Variants in NCKAP1 observed in about 807,000 individuals in gnomAD.
NCKAP1 encodes the protein NCK associated protein 1.
Under a neutral mutation model 151.2 loss-of-function variants are expected in NCKAP1, and 21 were observed. The observed-to-expected ratio is 0.14, with a 90% CI of 0.10 to 0.20. The LOEUF (loss-of-function observed/expected upper bound fraction) is 0.20. Among genes scored for constraint, NCKAP1 ranks in the 10% least tolerant of loss-of-function variants. The pLI, the probability that NCKAP1 is intolerant of heterozygous loss-of-function variation, is 1.00. For missense variants in NCKAP1, 933 were observed against 1,352.1 expected, an observed-to-expected ratio of 0.69 and a Z score of 4.86; for synonymous variants, 484 against 451.8, an observed-to-expected ratio of 1.07 and a Z score of -0.90.
At chr2:182,982,777 G>T in intron 12 of NCKAP1, 44 bp downstream of exon 12, 2 of 1,259,574 alleles carry the variant, frequency 1.6e-6, no homozygotes, top group Non-Finnish European at 1.1e-6. Flanking sequence ...AAATCAAGAA[G>T]CATCTATATA....
chr2:183,000,349 C>G (rs1019828984), intron 6 of NCKAP1, among the ~76,000 whole-genome samples: 7 of 152,034 alleles, frequency 4.6e-5, no homozygotes, highest in Admixed American at 2.6e-4. Context: ...AAGCCGAGAG[C>G]CTAGCTTGGA....
At chr2:182,976,288 T>G (rs1369860742) in intron 15 of NCKAP1, among the ~76,000 whole-genome samples, 3 of 152,210 alleles carry the variant, frequency 2.0e-5, no homozygotes, top group Non-Finnish European at 4.4e-5. Context: ...AGACATATAT[T>G]AAATGAACAC....
chr2:182,978,859 A>G lies in NCKAP1; in HGVS notation c.1398T>C (p.Thr466=). Residue 466 remains threonine (T), a synonymous_variant, in exon 14 of 31, where the codon ACT becomes ACC. Transcript: ENST00000361354. ...CTTGTTTTACACTTAGGGAAGTCATAGTGTTAACAAAAGAGGACATGATGA... is the reference window on the plus strand; with the variant it reads ...CTTGTTTTACACTTAGGGAAGTCATGGTGTTAACAAAAGAGGACATGATGA... ...ESIIMSSFVN[T]MTSLSVKQVE... The G allele has an allele frequency of 1.2e-6, 2 of 1,602,936 alleles. No individual in the cohort carries two copies.
chr2:182,982,193 C>T lies in NCKAP1; in HGVS notation c.1208+628G>A, dbSNP rs374929081. Among the ~76,000 whole-genome samples, 50 of 152,104 alleles carry T rather than the reference C, an allele frequency of 3.3e-4. No homozygotes were observed. The East Asian group carries it at 5.8e-3, about 18-fold the overall frequency. On this transcript the variant is annotated intron_variant, in intron 12 of 30. Coordinates refer to ENST00000361354, the MANE Select transcript of NCKAP1 (RefSeq NM_013436.5). ...GAATTCCATAAGAAATATTACTGAGCATAGCAAGAAAACAAAAACTTTATC... is the reference window on the plus strand; with the variant it reads ...GAATTCCATAAGAAATATTACTGAGTATAGCAAGAAAACAAAAACTTTATC...
chr2:182,918,123 G>A lies in NCKAP1; in HGVS notation c.*7579C>T, dbSNP rs1012405047. 1.3e-5 allele frequency: 2 copies of A among 152,182 alleles called. No individual in the cohort carries two copies. The highest frequency in any genetic ancestry group is 2.4e-5 in the African/African-American group (1 of 41,438). 9.4% of individuals were successfully genotyped at this position (152,182 alleles called of 1,614,324 possible). On this transcript the variant is annotated 3_prime_UTR_variant, in exon 31 of 31. Transcript: ENST00000361354. ...TGGGGCAAGGAATTTAAAGTTTTAT[G>A]AGCTGGTTTCCACATTCATTTACAA...
rs975049862 is a variant in NCKAP1 at position 182,923,367 on chromosome 2, G to C, written c.*2335C>G. On this transcript the variant is annotated 3_prime_UTR_variant, in exon 31 of 31. Transcript: ENST00000361354. ...AGCTCACAGCAACCTCCTCCTTCCGGGTTCAAACAATTCTTCCACCTCAGC... is the reference window on the plus strand; with the variant it reads ...AGCTCACAGCAACCTCCTCCTTCCGCGTTCAAACAATTCTTCCACCTCAGC... The C allele has an allele frequency of 1.3e-5, 2 of 152,020 alleles. No individual in the cohort carries two copies. The highest frequency in any genetic ancestry group is 3.9e-4 in the East Asian group (2 of 5,180). 9.4% of individuals were successfully genotyped at this position (152,020 alleles called of 1,614,324 possible). A position where few individuals can be genotyped will look rare whatever the true frequency, so the allele number is the denominator to read the frequency against.
chr2:183,015,294 T>G (rs2105887365), intron 2 of NCKAP1, among the ~76,000 whole-genome samples: 1 of 152,256 alleles, frequency 6.6e-6, no homozygotes, highest in Middle Eastern at 3.4e-3. Flanking sequence ...GCTTAATAAT[T>G]CATTCACACA....
At chr2:182,943,152 G>C (rs1167414405) in intron 23 of NCKAP1, among the ~76,000 whole-genome samples, 1 of 151,956 alleles carries the variant, frequency 6.6e-6, no homozygotes, top group Non-Finnish European at 1.5e-5. Context: ...ATCACCTGTG[G>C]TGCTCTTTCC....
intron 9 of NCKAP1, among the ~76,000 whole-genome samples, chr2:182,987,373 T>A (rs569684004): frequency 6.6e-6 from 1 of 152,290 alleles, no homozygotes; most frequent in South Asian, 2.1e-4. Flanking sequence ...AATTCTGTAA[T>A]CATCACCCTC....
intron 10 of NCKAP1, among the ~76,000 whole-genome samples, chr2:182,983,747 T>C (rs78745965): frequency 0.054 from 8,284 of 152,306 alleles, 296 homozygotes; most frequent in Non-Finnish European, 0.08. Context: ...AAGTTCTTGA[T>C]GGTGACCAGG....
chr2:182,993,825 T>C (rs1457373555), intron 8 of NCKAP1, among the ~76,000 whole-genome samples: 1 of 152,144 alleles, frequency 6.6e-6, no homozygotes, highest in African/African-American at 2.4e-5. Context: ...TTTACCTATA[T>C]AACAAACCTG....
At chr2:182,996,647 G>A (rs976278223) in intron 6 of NCKAP1, among the ~76,000 whole-genome samples, 7 of 152,096 alleles carry the variant, frequency 4.6e-5, no homozygotes, top group Non-Finnish European at 8.8e-5. Flanking sequence ...TAGTAGAGAC[G>A]GGGTTTCACC....
intron 26 of NCKAP1, among the ~76,000 whole-genome samples, chr2:182,931,736 G>C (rs1302735369): frequency 1.3e-5 from 2 of 152,076 alleles, no homozygotes; most frequent in African/African-American, 2.4e-5. Context: ...TGCAAATCAT[G>C]AATCTGTTAA....
intron 9 of NCKAP1, among the ~76,000 whole-genome samples, chr2:182,987,776 C>G (rs915039465): frequency 6.6e-6 from 1 of 151,986 alleles, no homozygotes; most frequent in East Asian, 1.9e-4. Flanking sequence ...AAAATAAGAG[C>G]TGAAAAGTAC....
Position 182,981,302 on chromosome 2 carries a change from C to T in NCKAP1, c.1283G>A (p.Arg428Lys), listed in dbSNP as rs779539428. ...GCCAGAAAGGTACTGCACGTAATAC[C>T]TCTGCATTACAGGTCCGTATTTCCT... ...HVRKYGPVMQ[R>K]YYVQYLSGFD... Residue 428 changes from arginine to lysine, a missense_variant, in exon 13 of 31, where the codon AGG becomes AAG. By Grantham distance (26) the Arg-to-Lys change is conservative. Transcript: ENST00000361354. 1 of 1,612,952 alleles carries T rather than the reference C, an allele frequency of 6.2e-7. No homozygotes were observed. The highest frequency in any genetic ancestry group is 1.7e-5 in the Admixed American group (1 of 59,992).
chr2:182,998,823 T>A (rs1397787498), intron 6 of NCKAP1, among the ~76,000 whole-genome samples: 8 of 85,812 alleles, frequency 9.3e-5, no homozygotes, highest in Admixed American at 1.9e-4. Flanking sequence ...GGTGACAGAG[T>A]AAGACTCCAA....
rs1421151759 is a variant in NCKAP1 at position 182,921,554 on chromosome 2, G to C, written c.*4148C>G. 1 of 152,256 alleles carries C rather than the reference G, an allele frequency of 6.6e-6. No homozygotes were observed. Among genetic ancestry groups the C allele is most frequent in the Admixed American group, 6.5e-5 (1 of 15,282 alleles). 9.4% of individuals were successfully genotyped at this position (152,256 alleles called of 1,614,324 possible). On this transcript the variant is annotated 3_prime_UTR_variant, in exon 31 of 31. Coordinates refer to ENST00000361354, the MANE Select transcript of NCKAP1 (RefSeq NM_013436.5). ...GATGCACCTGCACCAAGAGCACCAAGAGGATTGTCTCAATCCTTAAGAGAA... is the reference window on the plus strand; with the variant it reads ...GATGCACCTGCACCAAGAGCACCAACAGGATTGTCTCAATCCTTAAGAGAA...
chr2:183,028,930 G>A (rs1698951526), intron 1 of NCKAP1, among the ~76,000 whole-genome samples: 1 of 145,886 alleles, frequency 6.9e-6, no homozygotes, highest in African/African-American at 2.6e-5. Context: ...TAGCCAACAC[G>A]GTGAAACCCC....
chr2:182,948,758 G>C (rs1179869971), intron 23 of NCKAP1, among the ~76,000 whole-genome samples: 1 of 152,176 alleles, frequency 6.6e-6, no homozygotes, highest in Non-Finnish European at 1.5e-5. Context: ...GAAAAAAAGA[G>C]ACAATTCATC....
Sources: allele counts gnomAD v4.1 joint callset (sites outside exome capture counted in the v4.1 genomes callset), GRCh38; gene constraint gnomAD v4.1.1; transcripts MANE v1.5; gene names NCBI Gene and HGNC (gene_info 2026-07-23, HGNC 2026-07-21).